The following DLG2 variants were observed in gnomAD, a reference collection of about 807,000 sequenced individuals.
DLG2 encodes the protein disks large homolog 2.
In DLG2, 45 loss-of-function variants were observed where a neutral mutation model predicts 132.5. That is an observed-to-expected ratio of 0.34 (90% CI 0.27 to 0.44). DLG2 has a LOEUF of 0.44. DLG2 is among the 20% of genes least tolerant of loss of function. The pLI is 1.00. For missense variants in DLG2, 1,045 were observed against 1,196.9 expected, an observed-to-expected ratio of 0.87 and a Z score of 1.87; for synonymous variants, 424 against 419.6, an observed-to-expected ratio of 1.01 and a Z score of -0.13.
intron 3 of DLG2, among the ~76,000 whole-genome samples, chr11:85,591,915 G>A (rs902557913): frequency 2.0e-5 from 3 of 152,156 alleles, no homozygotes; most frequent in Non-Finnish European, 2.9e-5. Flanking sequence ...TCCTGTGAAC[G>A]AATTAATGTG....
chr11:84,705,192 G>T (rs1407487939), intron 6 of DLG2, among the ~76,000 whole-genome samples: 1 of 151,650 alleles, frequency 6.6e-6, no homozygotes, highest in East Asian at 1.9e-4. Flanking sequence ...CAGGGACTGG[G>T]AATTCTAACG....
chr11:84,638,613 G>T (rs1403701168), intron 6 of DLG2, among the ~76,000 whole-genome samples: 1 of 152,096 alleles, frequency 6.6e-6, no homozygotes, highest in Non-Finnish European at 1.5e-5. Flanking sequence ...GTTATTTTTT[G>T]AAATTGCTCA....
At chr11:83,620,778 G>A (rs1489736441) in intron 19 of DLG2, among the ~76,000 whole-genome samples, 1 of 143,008 alleles carries the variant, frequency 7.0e-6, no homozygotes, top group East Asian at 2.1e-4. Flanking sequence ...GCTGAGGCAG[G>A]AGAATGGCGT....
rs115149292 is a variant in DLG2 at position 85,118,316 on chromosome 11, T to A, written c.283-6581A>T. ...AGCGTTTTTCAGTGGGCAGTGATGATGGTGCTGAGTCATCCTCAACACTTT... is the reference window on the plus strand; with the variant it reads ...AGCGTTTTTCAGTGGGCAGTGATGAAGGTGCTGAGTCATCCTCAACACTTT... On this transcript the variant is annotated intron_variant, in intron 5 of 27. Transcript: ENST00000376104. 6.5e-3 allele frequency among the ~76,000 whole-genome samples: 989 copies of A among 152,194 alleles called. 8 individuals are homozygous for A. The highest frequency in any genetic ancestry group is 0.022 in the African/African-American group (929 of 41,542).
intron 6 of DLG2, among the ~76,000 whole-genome samples, chr11:84,807,181 C>G (rs2153967300): frequency 6.6e-6 from 1 of 152,282 alleles, no homozygotes; most frequent in East Asian, 1.9e-4. Flanking sequence ...TGTGGTGGCT[C>G]ACATCTGTAA....
intron 2 of DLG2, among the ~76,000 whole-genome samples, chr11:85,604,519 T>A (rs942568767): frequency 1.3e-5 from 2 of 152,200 alleles, no homozygotes; most frequent in Non-Finnish European, 2.9e-5. Flanking sequence ...CAAGTCAAGA[T>A]TCATATTTTA....
At chr11:83,739,192 A>C (rs1004323920) in intron 18 of DLG2, among the ~76,000 whole-genome samples, 2 of 152,178 alleles carry the variant, frequency 1.3e-5, no homozygotes, top group Non-Finnish European at 2.9e-5. Flanking sequence ...GGGTTAAGAT[A>C]ATTTGAATCA....
At chr11:83,734,126 T>C (rs1160389033) in intron 18 of DLG2, among the ~76,000 whole-genome samples, 1 of 152,202 alleles carries the variant, frequency 6.6e-6, no homozygotes, top group Non-Finnish European at 1.5e-5. Flanking sequence ...TCCATATCTA[T>C]ATTTATCTAT....
At chr11:85,490,744 C>G (rs1418864594) in intron 3 of DLG2, among the ~76,000 whole-genome samples, 1 of 151,926 alleles carries the variant, frequency 6.6e-6, no homozygotes, top group African/African-American at 2.4e-5. Context: ...TCCCCAGATT[C>G]AACCAGGAAA....
At chr11:84,176,219 G>T (rs1185407201) in intron 8 of DLG2, among the ~76,000 whole-genome samples, 1 of 151,366 alleles carries the variant, frequency 6.6e-6, no homozygotes, top group Non-Finnish European at 1.5e-5. Context: ...AAGGTGAAGA[G>T]GTAGAAATTA....
intron 3 of DLG2, among the ~76,000 whole-genome samples, chr11:85,499,883 A>T (rs1264975931): frequency 2.2e-4 from 33 of 152,224 alleles, no homozygotes; most frequent in Non-Finnish European, 7.3e-5. Context: ...AAGGCCTCTG[A>T]CAAAATTCAA....
intron 18 of DLG2, among the ~76,000 whole-genome samples, chr11:83,712,452 A>C (rs1344770231): frequency 6.6e-6 from 1 of 152,052 alleles, no homozygotes; most frequent in East Asian, 1.9e-4. Flanking sequence ...AACATGGTGA[A>C]ATCCCCTCTC....
intron 7 of DLG2, among the ~76,000 whole-genome samples, chr11:84,412,247 C>A (rs978394514): frequency 6.6e-6 from 1 of 151,482 alleles, no homozygotes; most frequent in Admixed American, 6.6e-5. Flanking sequence ...AAACCATAGA[C>A]TGACTTTATT....
intron 7 of DLG2, among the ~76,000 whole-genome samples, chr11:84,348,791 A>G (rs956630282): frequency 6.6e-6 from 1 of 152,190 alleles, no homozygotes. Context: ...ATTTGTACAC[A>G]CACAGGGATA....
At chr11:84,238,731 C>T (rs1031928077) in intron 8 of DLG2, among the ~76,000 whole-genome samples, 1 of 151,416 alleles carries the variant, frequency 6.6e-6, no homozygotes. Flanking sequence ...TAAGCCATTT[C>T]TCTTTATTAC....
intron 7 of DLG2, among the ~76,000 whole-genome samples, chr11:84,369,183 G>A (rs2098696231): frequency 6.6e-6 from 1 of 151,628 alleles, no homozygotes; most frequent in Admixed American, 6.6e-5. Context: ...ACAAATCTGT[G>A]AGTTTAGGTA....
intron 6 of DLG2, among the ~76,000 whole-genome samples, chr11:84,577,967 C>T (rs1006571971): frequency 1.3e-5 from 2 of 152,146 alleles, no homozygotes; most frequent in Admixed American, 1.3e-4. Context: ...CCCTTCCACT[C>T]CAGCTGTGGT....
intron 9 of DLG2, among the ~76,000 whole-genome samples, chr11:84,108,778 G>A (rs766810868): frequency 4.3e-5 from 3 of 69,560 alleles, no homozygotes; most frequent in Non-Finnish European, 1.3e-4. Context: ...GAGTGCTGAA[G>A]GGGAGAACAG....
intron 17 of DLG2, among the ~76,000 whole-genome samples, chr11:83,823,324 G>A (rs560931763): frequency 6.6e-6 from 1 of 152,240 alleles, no homozygotes; most frequent in Non-Finnish European, 1.5e-5. Context: ...TTTGAAACTT[G>A]TATAGGAAGT....
Sources: gnomAD v4.1 joint callset for allele counts (sites outside exome capture counted in the v4.1 genomes callset) on GRCh38, gnomAD v4.1.1 for gene constraint, MANE v1.5 for transcripts, NCBI Gene and HGNC (gene_info 2026-07-23, HGNC 2026-07-21) for gene names.